Variants in CA10 observed in about 807,000 individuals in gnomAD.
CA10 encodes carbonic anhydrase-related protein 10.
Under a neutral mutation model 44.2 loss-of-function variants are expected in CA10, and 14 were observed. The ratio of observed to expected loss-of-function variants is 0.32; its 90% CI spans 0.21 to 0.50. CA10 has a LOEUF of 0.50. Ranked by LOEUF, CA10 falls within the 20% of genes least tolerant of loss-of-function variation. The probability of loss-of-function intolerance (pLI) is 0.99; values close to 1 mark genes in which losing one functional copy is unlikely to be tolerated. For missense variants in CA10, 350 were observed against 409.7 expected (o/e 0.85, Z 1.26); for synonymous variants, 159 against 141.6 (o/e 1.12, Z -0.87).
At chr17:51,731,760 C>A (rs1244390227) in intron 4 of CA10, among the ~76,000 whole-genome samples, 32 of 151,644 alleles carry the variant, frequency 2.1e-4, no homozygotes, top group Admixed American at 2.1e-3. Context: ...TTGTTACAAC[C>A]TCCACCTCCT....
chr17:51,906,002 G>A (rs986586339), intron 3 of CA10, among the ~76,000 whole-genome samples: 1 of 151,994 alleles, frequency 6.6e-6, no homozygotes, highest in Non-Finnish European at 1.5e-5. Flanking sequence ...CTCCTTTCTT[G>A]GATAGGATCC....
intron 3 of CA10, among the ~76,000 whole-genome samples, chr17:51,799,977 A>G (rs1345750214): frequency 6.6e-6 from 1 of 152,236 alleles, no homozygotes; most frequent in East Asian, 1.9e-4. Flanking sequence ...AGTTAAGCAT[A>G]GAGTTACCTT....
At chr17:51,981,138 C>T (rs1216406801) in intron 2 of CA10, among the ~76,000 whole-genome samples, 1 of 151,944 alleles carries the variant, frequency 6.6e-6, no homozygotes, top group East Asian at 1.9e-4. Context: ...TACAGATATA[C>T]CTACCATAAG....
intron 4 of CA10, among the ~76,000 whole-genome samples, chr17:51,742,620 T>C (rs1334844542): frequency 6.6e-6 from 1 of 152,206 alleles, no homozygotes; most frequent in Non-Finnish European, 1.5e-5. Context: ...GATAATTGTT[T>C]TCTCTTTTCT....
At chr17:52,081,358 A>G (rs1987970259) in intron 1 of CA10, among the ~76,000 whole-genome samples, 1 of 152,208 alleles carries the variant, frequency 6.6e-6, no homozygotes, top group Admixed American at 6.5e-5. Context: ...TTCTTTAAGA[A>G]AACTAAAAGT....
intron 3 of CA10, among the ~76,000 whole-genome samples, chr17:51,892,761 T>C (rs1296439625): frequency 6.6e-6 from 1 of 152,158 alleles, no homozygotes; most frequent in African/African-American, 2.4e-5. Context: ...GGTTCCTCCA[T>C]TTTATACTCC....
intron 1 of CA10, among the ~76,000 whole-genome samples, chr17:52,106,161 C>T (rs1042413611): frequency 2.5e-4 from 38 of 152,330 alleles, no homozygotes; most frequent in African/African-American, 8.4e-4. Flanking sequence ...AATGCACAAA[C>T]GAATGGATTA....
intron 3 of CA10, among the ~76,000 whole-genome samples, chr17:51,917,130 TA>T (rs1202573929): frequency 6.6e-6 from 1 of 152,154 alleles, no homozygotes; most frequent in East Asian, 1.9e-4. Flanking sequence ...GCTCTCCAGA[TA>T]AAAAAGGGGG....
At chr17:51,729,435 T>G (rs1254224841) in intron 4 of CA10, among the ~76,000 whole-genome samples, 1 of 151,908 alleles carries the variant, frequency 6.6e-6, no homozygotes, top group Non-Finnish European at 1.5e-5. Context: ...TATTGGCACG[T>G]GGGTTAGAGG....
rs76625691 is a variant in CA10 at position 52,129,094 on chromosome 17, C to T, written c.61+28632G>A. Among the ~76,000 whole-genome samples the T allele has an allele frequency of 4.8e-3, 725 of 152,292 alleles. 9 individuals are homozygous for T. Among genetic ancestry groups the T allele is most frequent in the African/African-American group, 0.017 (695 of 41,560 alleles). On this transcript the variant is annotated intron_variant, in intron 1 of 8. Coordinates refer to ENST00000451037, the MANE Select transcript of CA10 (RefSeq NM_020178.5). Reference sequence around the variant, plus strand: ...CCCTCGTGTAAAGAAGACTAAGCCACCACTTTCTCCTCTACCTCTCTGTAG... The same window carrying T: ...CCCTCGTGTAAAGAAGACTAAGCCATCACTTTCTCCTCTACCTCTCTGTAG...
At chr17:51,809,693 T>C (rs1274332162) in intron 3 of CA10, among the ~76,000 whole-genome samples, 5 of 151,970 alleles carry the variant, frequency 3.3e-5, no homozygotes, top group Non-Finnish European at 7.4e-5. Flanking sequence ...GGCTTTATAG[T>C]GGGTAAGATT....
chr17:51,928,636 C>T (rs1296657615), intron 3 of CA10, among the ~76,000 whole-genome samples: 3 of 152,136 alleles, frequency 2.0e-5, no homozygotes, highest in African/African-American at 7.2e-5. Flanking sequence ...CGTACTGACA[C>T]CCAGCTTGGC....
At chr17:52,016,333 C>G (rs1985966557) in intron 2 of CA10, among the ~76,000 whole-genome samples, 1 of 152,142 alleles carries the variant, frequency 6.6e-6, no homozygotes, top group Non-Finnish European at 1.5e-5. Context: ...TAAGGAAGGA[C>G]CACACCCACC....
chr17:52,013,893 T>C (rs1040451041), intron 2 of CA10, among the ~76,000 whole-genome samples: 7 of 151,972 alleles, frequency 4.6e-5, no homozygotes, highest in Non-Finnish European at 7.4e-5. Context: ...GAGCGCTTAC[T>C]GTGCTACACT....
intron 3 of CA10, among the ~76,000 whole-genome samples, chr17:51,891,315 G>C (rs1980846034): frequency 6.6e-6 from 1 of 152,166 alleles, no homozygotes; most frequent in South Asian, 2.1e-4. Context: ...TAATTCAAGA[G>C]AGAAAGTGCT....
chr17:51,991,085 C>T (rs1306328475), intron 2 of CA10, among the ~76,000 whole-genome samples: 1 of 152,112 alleles, frequency 6.6e-6, no homozygotes, highest in East Asian at 1.9e-4. Flanking sequence ...ACTAGATAAA[C>T]ACTATGAATC....
intron 1 of CA10, among the ~76,000 whole-genome samples, chr17:52,080,051 C>T (rs1329515484): frequency 6.6e-6 from 1 of 152,140 alleles, no homozygotes; most frequent in Non-Finnish European, 1.5e-5. Context: ...TTGGACCAGA[C>T]CTAAGCAAGC....
At chr17:51,930,874 G>T in intron 3 of CA10, 116 bp downstream of exon 3, 1 of 1,198,260 alleles carries the variant, frequency 8.3e-7, no homozygotes. Context: ...TGAAGTCTGT[G>T]GTATTCCTAG....
chr17:51,735,687 T>A (rs1916878789), intron 4 of CA10, among the ~76,000 whole-genome samples: 1 of 152,174 alleles, frequency 6.6e-6, no homozygotes. Context: ...ATCCCCTTAA[T>A]CCATAAAACT....
Sources: allele counts gnomAD v4.1 joint callset (sites outside exome capture counted in the v4.1 genomes callset), GRCh38; gene constraint gnomAD v4.1.1; transcripts MANE v1.5; gene names NCBI Gene and HGNC (gene_info 2026-07-23, HGNC 2026-07-21).